SGCZ: variants seen among roughly 807,000 people sequenced by gnomAD.
SGCZ encodes the protein zeta-sarcoglycan.
A neutral mutation model predicts 41.3 loss-of-function variants in SGCZ; 40 were observed. The ratio of observed to expected loss-of-function variants is 0.97; its 90% CI spans 0.75 to 1.26. SGCZ has a LOEUF of 1.26. Among genes scored for constraint, SGCZ ranks in the 50% most tolerant of loss-of-function variants. The pLI is 0.00. For synonymous variants in SGCZ, 206 were observed against 137.5 expected, an observed-to-expected ratio of 1.50 and a Z score of -3.49; for missense variants, 552 against 369.8, an observed-to-expected ratio of 1.49 and a Z score of -4.04.
At chr8:14,145,914 T>C (rs2116936004) in intron 5 of SGCZ, among the ~76,000 whole-genome samples, 1 of 152,052 alleles carries the variant, frequency 6.6e-6, no homozygotes, top group Non-Finnish European at 1.5e-5. Flanking sequence ...GGCAAAAGAA[T>C]AAAAAACAAT....
intron 2 of SGCZ, among the ~76,000 whole-genome samples, chr8:14,482,509 G>A (rs780649260): frequency 6.6e-6 from 1 of 152,076 alleles, no homozygotes; most frequent in Non-Finnish European, 1.5e-5. Flanking sequence ...CTGTTAACAA[G>A]TATAACAACT....
intron 7 of SGCZ, among the ~76,000 whole-genome samples, chr8:14,098,211 T>C (rs908596765): frequency 6.6e-6 from 1 of 152,192 alleles, no homozygotes; most frequent in African/African-American, 2.4e-5. Flanking sequence ...CTTGTGTTTA[T>C]TGATGTCAGA....
chr8:14,388,699 T>A (rs565369740), intron 2 of SGCZ, among the ~76,000 whole-genome samples: 1 of 151,994 alleles, frequency 6.6e-6, no homozygotes, highest in African/African-American at 2.4e-5. Context: ...TGGCAAATCC[T>A]TGAAGATGAA....
At chr8:14,593,889 G>C (rs62494811) in intron 1 of SGCZ, among the ~76,000 whole-genome samples, 4,421 of 152,054 alleles carry the variant, frequency 0.029, 88 homozygotes, top group Non-Finnish European at 0.046. Context: ...TATACAAATG[G>C]CTAGGGCAGG....
At chr8:14,732,835 A>G (rs79143881) in intron 1 of SGCZ, among the ~76,000 whole-genome samples, 1,550 of 152,292 alleles carry the variant, frequency 0.01, 70 homozygotes, top group Admixed American at 0.081. Context: ...AGACATAACT[A>G]TGTACCACAT....
At chr8:14,925,977 A>G (rs184116875) in intron 1 of SGCZ, among the ~76,000 whole-genome samples, 309 of 152,320 alleles carry the variant, frequency 2.0e-3, no homozygotes, top group African/African-American at 7.0e-3. Flanking sequence ...CAACAGTATG[A>G]TTTGTAAACA....
At chr8:14,825,942 T>TTTA (rs1248448859) in intron 1 of SGCZ, among the ~76,000 whole-genome samples, 1 of 152,086 alleles carries the variant, frequency 6.6e-6, no homozygotes, top group Non-Finnish European at 1.5e-5. Context: ...TTTTTTTAAT[T>TTTA]TTATTATTAT....
intron 1 of SGCZ, among the ~76,000 whole-genome samples, chr8:14,577,516 T>C (rs1804749251): frequency 6.6e-6 from 1 of 151,172 alleles, no homozygotes; most frequent in African/African-American, 2.4e-5. Context: ...AGCCTCCGAG[T>C]AGCTGGGACT....
At chr8:14,839,052 A>G (rs1802807373) in intron 1 of SGCZ, among the ~76,000 whole-genome samples, 1 of 152,154 alleles carries the variant, frequency 6.6e-6, no homozygotes, top group Non-Finnish European at 1.5e-5. Flanking sequence ...TAAAAGAATA[A>G]TGCTGGCAAG....
chr8:15,058,956 A>T (rs1804814811), intron 1 of SGCZ, among the ~76,000 whole-genome samples: 1 of 152,180 alleles, frequency 6.6e-6, no homozygotes, highest in Non-Finnish European at 1.5e-5. Context: ...AAATTTATTA[A>T]GTTGAAACTT....
At chr8:14,543,252 C>A (rs1803525010) in intron 2 of SGCZ, among the ~76,000 whole-genome samples, 1 of 151,964 alleles carries the variant, frequency 6.6e-6, no homozygotes, top group Admixed American at 6.6e-5. Flanking sequence ...ACTTTGACTT[C>A]TTTCAGACTT....
chr8:14,658,504 C>T (rs1467584784), intron 1 of SGCZ, among the ~76,000 whole-genome samples: 3 of 152,040 alleles, frequency 2.0e-5, no homozygotes, highest in Admixed American at 6.6e-5. Context: ...GCCTCCAAGC[C>T]TTTGCAGTAG....
intron 2 of SGCZ, among the ~76,000 whole-genome samples, chr8:14,391,891 C>T (rs1338218552): frequency 6.6e-6 from 1 of 152,020 alleles, no homozygotes; most frequent in Non-Finnish European, 1.5e-5. Flanking sequence ...AATGCTCCTG[C>T]CATGTCCTGC....
chr8:15,025,666 G>T (rs138826558), intron 1 of SGCZ, among the ~76,000 whole-genome samples: 2 of 152,262 alleles, frequency 1.3e-5, no homozygotes, highest in Non-Finnish European at 2.9e-5. Context: ...TCCAAGAAAG[G>T]ATTGAGATTT....
chr8:14,528,486 G>C (rs1438436339), intron 2 of SGCZ, among the ~76,000 whole-genome samples: 6 of 152,148 alleles, frequency 3.9e-5, no homozygotes, highest in Admixed American at 1.3e-4. Flanking sequence ...CCAAATAAAT[G>C]CCATAAAAAG....
intron 3 of SGCZ, among the ~76,000 whole-genome samples, chr8:14,309,945 T>C (rs1801475477): frequency 1.3e-5 from 2 of 152,030 alleles, no homozygotes; most frequent in Admixed American, 1.3e-4. Flanking sequence ...CCTGGCCCAC[T>C]CTGTAATAGT....
chr8:14,810,160 T>C (rs890186995), intron 1 of SGCZ, among the ~76,000 whole-genome samples: 1 of 152,046 alleles, frequency 6.6e-6, no homozygotes, highest in Admixed American at 6.6e-5. Flanking sequence ...CTTATTATCA[T>C]GGCATGTTAC....
At chr8:14,774,810 T>A (rs935397643) in intron 1 of SGCZ, among the ~76,000 whole-genome samples, 3 of 152,172 alleles carry the variant, frequency 2.0e-5, no homozygotes, top group African/African-American at 7.2e-5. Flanking sequence ...GGTTCTCTGT[T>A]CTCTTATTAT....
intron 2 of SGCZ, among the ~76,000 whole-genome samples, chr8:14,501,758 A>G (rs910100208): frequency 6.6e-6 from 1 of 151,982 alleles, no homozygotes; most frequent in Non-Finnish European, 1.5e-5. Flanking sequence ...ATAGCAGACT[A>G]TTCCCTCCAA....
Sources: gnomAD v4.1 joint callset for allele counts (sites outside exome capture counted in the v4.1 genomes callset) on GRCh38, gnomAD v4.1.1 for gene constraint, MANE v1.5 for transcripts, NCBI Gene and HGNC (gene_info 2026-07-23, HGNC 2026-07-21) for gene names.